NFIB: variants seen among roughly 807,000 people sequenced by gnomAD.
NFIB encodes nuclear factor I B, also known as nuclear factor 1 B-type.
A neutral mutation model predicts 61.5 loss-of-function variants in NFIB; 11 were observed. The ratio of observed to expected loss-of-function variants is 0.18; its 90% CI spans 0.11 to 0.30. NFIB has a LOEUF of 0.30. NFIB is among the 10% of genes least tolerant of loss of function. NFIB has a pLI of 1.00. For synonymous variants in NFIB, 260 were observed against 216.5 expected (o/e 1.20, Z -1.76); for missense variants, 471 against 608.9 (o/e 0.77, Z 2.38).
At chr9:14,402,754 TAATA>T (rs2061755138), upstream of NFIB, among the ~76,000 whole-genome samples, 1 of 152,170 alleles carries the variant, frequency 6.6e-6, no homozygotes, top group Non-Finnish European at 1.5e-5. Context: ...CATGGTAACC[TAATA>T]AAGACACTGT....
chr9:14,306,690 T>C (rs183403124), intron 2 of NFIB, among the ~76,000 whole-genome samples: 140 of 152,336 alleles, frequency 9.2e-4, no homozygotes, highest in African/African-American at 3.2e-3. Context: ...ATGAACTATA[T>C]TTGTTAGACT....
At position 14,087,556 on chromosome 9, in the gene NFIB, T is replaced by G; in HGVS notation, c.*753A>C. 4.4e-6 allele frequency: 1 copy of G among 227,210 alleles called. No homozygotes were observed. The highest frequency in any genetic ancestry group is 6.3e-5 in the East Asian group (1 of 15,818). 14.1% of individuals were successfully genotyped at this position (227,210 alleles called of 1,614,324 possible). A position where few individuals can be genotyped will look rare whatever the true frequency, so the allele number is the denominator to read the frequency against. On this transcript the variant is annotated 3_prime_UTR_variant, in exon 11 of 11. Coordinates refer to ENST00000380953, the MANE Select transcript of NFIB (RefSeq NM_001190737.2). Reference sequence around the variant, plus strand: ...CCATAGAGCCTTTGTGTTCAAACTGTTTTTTTCCTTTTTTCTTTTTTTCCT... The same window carrying G: ...CCATAGAGCCTTTGTGTTCAAACTGGTTTTTTCCTTTTTTCTTTTTTTCCT...
intron 2 of NFIB, among the ~76,000 whole-genome samples, chr9:14,182,737 T>A (rs1192137899): frequency 2.6e-5 from 4 of 150,978 alleles, no homozygotes; most frequent in East Asian, 3.9e-4. Flanking sequence ...TGTGTGTGTG[T>A]GTGTGTGTGT....
At chr9:14,298,252 T>C (rs1388830317) in intron 2 of NFIB, among the ~76,000 whole-genome samples, 1 of 152,214 alleles carries the variant, frequency 6.6e-6, no homozygotes, top group African/African-American at 2.4e-5. Flanking sequence ...CAAAGATTTA[T>C]AGTGTTAAGT....
intron 3 of NFIB, among the ~76,000 whole-genome samples, chr9:14,173,150 T>G (rs1333210496): frequency 1.3e-5 from 2 of 152,236 alleles, no homozygotes; most frequent in African/African-American, 4.8e-5. Flanking sequence ...CCCCTCACTT[T>G]TATCAAGCAC....
the NFIB span, among the ~76,000 whole-genome samples, chr9:14,467,668 A>G: frequency 6.6e-6 from 1 of 152,238 alleles, no homozygotes; most frequent in African/African-American, 2.4e-5. Flanking sequence ...ATAAATATTT[A>G]TTGATTTGAT....
intron 1 of NFIB, among the ~76,000 whole-genome samples, chr9:14,323,123 T>A (rs1469683752): frequency 6.6e-6 from 1 of 152,230 alleles, no homozygotes; most frequent in African/African-American, 2.4e-5. Context: ...TGTTCCTGGC[T>A]GCGCAGCGTT....
chr9:14,349,546 G>T (rs2061079865), intron 1 of NFIB, among the ~76,000 whole-genome samples: 1 of 152,132 alleles, frequency 6.6e-6, no homozygotes, highest in African/African-American at 2.4e-5. Flanking sequence ...AGCAGGGCTC[G>T]TTTGGGGTCC....
the NFIB span, among the ~76,000 whole-genome samples, chr9:14,520,517 A>G: frequency 1.3e-5 from 2 of 152,334 alleles, no homozygotes; most frequent in African/African-American, 4.8e-5. Context: ...GGTGCCACAG[A>G]CCAAGATCAC....
At chr9:14,174,755 A>G (rs1045761267) in intron 3 of NFIB, among the ~76,000 whole-genome samples, 1 of 146,068 alleles carries the variant, frequency 6.8e-6, no homozygotes, top group Non-Finnish European at 1.5e-5. Flanking sequence ...CGACAGAGTG[A>G]GACTCCATCT....
At chr9:14,467,624 GTATT>G in the NFIB span, among the ~76,000 whole-genome samples, 1 of 152,046 alleles carries the variant, frequency 6.6e-6, no homozygotes, top group African/African-American at 2.4e-5. Context: ...CATTCAATAT[GTATT>G]TATTCACTCA....
intron 2 of NFIB, among the ~76,000 whole-genome samples, chr9:14,233,572 G>A (rs551079625): frequency 2.0e-5 from 3 of 152,074 alleles, no homozygotes; most frequent in East Asian, 3.9e-4. Context: ...GGGATTACAG[G>A]CCCAGGCCAC....
intron 1 of NFIB, among the ~76,000 whole-genome samples, chr9:14,383,685 G>A (rs2061515386): frequency 6.6e-6 from 1 of 152,186 alleles, no homozygotes; most frequent in Admixed American, 6.5e-5. Context: ...GACCATAAGA[G>A]AATTTGATCA....
chr9:14,305,220 T>C (rs2059956750), intron 2 of NFIB, among the ~76,000 whole-genome samples: 1 of 152,052 alleles, frequency 6.6e-6, no homozygotes, highest in South Asian at 2.1e-4. Flanking sequence ...TCCCCAGGAG[T>C]AAATGTGCAT....
intron 4 of NFIB, among the ~76,000 whole-genome samples, chr9:14,154,351 G>A (rs1041724022): frequency 6.6e-6 from 1 of 152,044 alleles, no homozygotes; most frequent in African/African-American, 2.4e-5. Flanking sequence ...CCTCCTAACT[G>A]GAGCACCATA....
chr9:14,530,150 C>T, the NFIB span, among the ~76,000 whole-genome samples: 1 of 152,112 alleles, frequency 6.6e-6, no homozygotes, highest in African/African-American at 2.4e-5. Context: ...CTTAGAACAA[C>T]GTAAAATGAC....
At chr9:14,138,267 G>C (rs1214359562) in intron 6 of NFIB, among the ~76,000 whole-genome samples, 2 of 152,258 alleles carry the variant, frequency 1.3e-5, no homozygotes, top group East Asian at 3.9e-4. Flanking sequence ...AATGGCAATA[G>C]AATCTTGTTT....
intron 2 of NFIB, among the ~76,000 whole-genome samples, chr9:14,275,087 G>A (rs1385893062): frequency 6.6e-6 from 1 of 152,182 alleles, no homozygotes; most frequent in Admixed American, 6.6e-5. Context: ...CTATCAGTAA[G>A]TTCTTAATTT....
chr9:14,209,624 A>G (rs530058934), intron 2 of NFIB, among the ~76,000 whole-genome samples: 1 of 152,224 alleles, frequency 6.6e-6, no homozygotes, highest in Non-Finnish European at 1.5e-5. Context: ...GTCACTTTGG[A>G]TATGGTATTG....
Sources: allele counts gnomAD v4.1 joint callset (sites outside exome capture counted in the v4.1 genomes callset), GRCh38; gene constraint gnomAD v4.1.1; transcripts MANE v1.5; gene names NCBI Gene and HGNC (gene_info 2026-07-23, HGNC 2026-07-21).